Variants in ABI3BP observed in about 807,000 individuals in gnomAD.
ABI3BP encodes the protein ABI family member 3 binding protein, also known as target of Nesh-SH3.
Under a neutral mutation model 268.6 loss-of-function variants are expected in ABI3BP, and 216 were observed. The observed-to-expected ratio is 0.80, with a 90% CI of 0.72 to 0.90. The LOEUF is 0.90. Among genes scored for constraint, ABI3BP ranks in the 40% least tolerant of loss-of-function variants. The pLI is 0.00. For synonymous variants in ABI3BP, 730 were observed against 730.0 expected (o/e 1.00, Z 0.00); for missense variants, 2,090 against 2,182.4 (o/e 0.96, Z 0.84).
chr3:100,765,994 G>T, intron 62 of ABI3BP, 45 bp from the exon 63 acceptor site: 1 of 1,444,844 alleles, frequency 6.9e-7, no homozygotes, highest in Non-Finnish European at 9.6e-7. Flanking sequence ...TTATTTCTTG[G>T]CTGACTTAAT....
chr3:100,793,944 A>T (rs2097266796), intron 54 of ABI3BP, among the ~76,000 whole-genome samples: 1 of 151,944 alleles, frequency 6.6e-6, no homozygotes, highest in African/African-American at 2.4e-5. Flanking sequence ...TGTTCAGCTC[A>T]TCCCAGTGGA....
At chr3:100,918,244 G>T (rs1425784573) in intron 2 of ABI3BP, among the ~76,000 whole-genome samples, 1 of 150,900 alleles carries the variant, frequency 6.6e-6, no homozygotes, top group Non-Finnish European at 1.5e-5. Flanking sequence ...GACTTTTTGG[G>T]CCTTTCCTTT....
chr3:100,838,997 C>T (rs1223265390), intron 24 of ABI3BP, among the ~76,000 whole-genome samples: 1 of 152,040 alleles, frequency 6.6e-6, no homozygotes, highest in East Asian at 1.9e-4. Flanking sequence ...AACAATAAAA[C>T]CAGTTTGGGA....
chr3:100,789,069 G>A (rs2097128045), intron 56 of ABI3BP, among the ~76,000 whole-genome samples: 1 of 152,024 alleles, frequency 6.6e-6, no homozygotes, highest in South Asian at 2.1e-4. Flanking sequence ...TGTTCTCCCA[G>A]AACAAGAGCT....
In ABI3BP at chr3:100,879,327, T is replaced by G. The variant is rs550872156; in HGVS notation, c.697-2767A>C. On this transcript the variant is annotated intron_variant, in intron 6 of 67. Transcript: ENST00000471714. Reference sequence around the variant, plus strand: ...TTTTCTAGGTACCAATAATCATTTTTGTTCAGGCTGTGGCTGCAGCTGCAG... The same window carrying G: ...TTTTCTAGGTACCAATAATCATTTTGGTTCAGGCTGTGGCTGCAGCTGCAG... 4.6e-5 allele frequency among the ~76,000 whole-genome samples: 7 copies of G among 152,358 alleles called. No individual in the cohort carries two copies. In the South Asian group the frequency reaches 1.5e-3, roughly 32 times the overall value.
intron 1 of ABI3BP, 74 bp downstream of exon 1, chr3:100,993,232 A>G: frequency 9.3e-7 from 1 of 1,073,810 alleles, no homozygotes; most frequent in Admixed American, 2.1e-5. Flanking sequence ...AAAGCAGATC[A>G]TATTTAAAAT....
At chr3:100,898,169 A>G (rs73137288) in intron 4 of ABI3BP, among the ~76,000 whole-genome samples, 4 of 152,296 alleles carry the variant, frequency 2.6e-5, no homozygotes, top group Admixed American at 6.5e-5. Flanking sequence ...CTCTGCTTAT[A>G]TCTCTGCCTG....
intron 63 of ABI3BP, among the ~76,000 whole-genome samples, chr3:100,759,461 CAAAAT>C (rs1559848308): frequency 6.6e-6 from 1 of 152,076 alleles, no homozygotes; most frequent in Non-Finnish European, 1.5e-5. Context: ...ACTCAGAAGA[CAAAAT>C]AAGGCTAAAT....
At chr3:100,903,296 G>A (rs2051383660) in intron 2 of ABI3BP, among the ~76,000 whole-genome samples, 1 of 152,058 alleles carries the variant, frequency 6.6e-6, no homozygotes. Context: ...TGTACATAGG[G>A]AATCTCAGGA....
intron 51 of ABI3BP, among the ~76,000 whole-genome samples, chr3:100,798,483 G>T (rs2097423497): frequency 6.6e-6 from 1 of 151,878 alleles, no homozygotes; most frequent in Admixed American, 6.6e-5. Flanking sequence ...CTTTCATGCT[G>T]GGAGAAACTC....
intron 63 of ABI3BP, among the ~76,000 whole-genome samples, chr3:100,762,050 C>T (rs532794766): frequency 6.6e-6 from 1 of 152,302 alleles, no homozygotes; most frequent in South Asian, 2.1e-4. Context: ...CTTTGCCATA[C>T]ACTTTGATTC....
chr3:100,757,088 T>G (rs2095661097), intron 63 of ABI3BP, among the ~76,000 whole-genome samples: 1 of 151,938 alleles, frequency 6.6e-6, no homozygotes, highest in African/African-American at 2.4e-5. Flanking sequence ...GAAGATAAAG[T>G]TGAGGACATT....
In ABI3BP at chr3:100,768,083, G is replaced by GTTTTT. The variant is rs11371725; in HGVS notation, c.4742-2139_4742-2135dup. Among the ~76,000 whole-genome samples, 148 of 108,742 alleles carry GTTTTT rather than the reference G, an allele frequency of 1.4e-3. 2 individuals are homozygous for GTTTTT. Among genetic ancestry groups the GTTTTT allele is most frequent in the Non-Finnish European group, 1.9e-3 (104 of 55,494 alleles). 71.3% of individuals were successfully genotyped at this position (108,742 alleles called of 152,430 possible). On this transcript the variant is annotated intron_variant, in intron 62 of 67. Transcript: ENST00000471714. Reference sequence around the variant, plus strand: ...CTTCTCTGATTTCCATTTGGCTCAAGTTTTTTTTTTTTTTTTTTTTTGAGA... The same window carrying GTTTTT: ...CTTCTCTGATTTCCATTTGGCTCAAGTTTTTTTTTTTTTTTTTTTTTTTTTTGAGA...
chr3:100,943,395 A>C (rs1323671156), intron 1 of ABI3BP, among the ~76,000 whole-genome samples: 1 of 152,092 alleles, frequency 6.6e-6, no homozygotes, highest in African/African-American at 2.4e-5. Flanking sequence ...ATATTTATTT[A>C]TATTTTTCTT....
intron 54 of ABI3BP, 90 bp from the exon 55 acceptor site, chr3:100,792,858 A>G: frequency 9.4e-7 from 1 of 1,066,622 alleles, no homozygotes; most frequent in Non-Finnish European, 1.4e-6. Flanking sequence ...GTCCCATGCA[A>G]TAATAAAAGG....
chr3:100,983,871 C>G (rs1226887669), intron 1 of ABI3BP, among the ~76,000 whole-genome samples: 2 of 152,118 alleles, frequency 1.3e-5, no homozygotes, highest in African/African-American at 2.4e-5. Context: ...CAATTTTACA[C>G]ATTTACTTAT....
intron 57 of ABI3BP, among the ~76,000 whole-genome samples, chr3:100,785,894 G>A (rs2097025646): frequency 6.6e-6 from 1 of 152,100 alleles, no homozygotes; most frequent in South Asian, 2.1e-4. Context: ...CATATAATTG[G>A]ATAATCATAT....
intron 48 of ABI3BP, among the ~76,000 whole-genome samples, chr3:100,810,861 T>C (rs896813699): frequency 2.6e-5 from 4 of 152,108 alleles, no homozygotes; most frequent in Admixed American, 2.0e-4. Context: ...ATGGGATAAG[T>C]GTTAATGGAA....
At chr3:100,778,133 A>G in intron 59 of ABI3BP, 151 bp downstream of exon 59, 1 of 730,324 alleles carries the variant, frequency 1.4e-6, no homozygotes, top group Non-Finnish European at 2.3e-6. Flanking sequence ...AAGTCCTGAA[A>G]GCCATCATTT....
Sources: allele counts gnomAD v4.1 joint callset (sites outside exome capture counted in the v4.1 genomes callset), GRCh38; gene constraint gnomAD v4.1.1; transcripts MANE v1.5; gene names NCBI Gene and HGNC (gene_info 2026-07-23, HGNC 2026-07-21).